Variants in SLX4IP observed in about 807,000 individuals in gnomAD.
SLX4IP encodes the protein SLX4 interacting protein, also known as protein SLX4IP.
In SLX4IP, 34 loss-of-function variants were observed where a neutral mutation model predicts 32.9. The observed-to-expected ratio is 1.03, with a 90% CI of 0.79 to 1.38. SLX4IP has a LOEUF of 1.38. SLX4IP is among the 40% of genes most tolerant of loss of function. The pLI is 0.00. For missense variants in SLX4IP, 444 were observed against 479.0 expected, an observed-to-expected ratio of 0.93 and a Z score of 0.68; for synonymous variants, 172 against 171.7, an observed-to-expected ratio of 1.00 and a Z score of -0.01.
intron 2 of SLX4IP, among the ~76,000 whole-genome samples, chr20:10,497,600 A>G (rs1035669840): frequency 1.3e-5 from 2 of 152,042 alleles, no homozygotes; most frequent in African/African-American, 4.8e-5. Context: ...TCGGTTTCCT[A>G]TCAGCATTAT....
At chr20:10,537,550 A>G (rs1434846768) in intron 2 of SLX4IP, among the ~76,000 whole-genome samples, 1 of 152,228 alleles carries the variant, frequency 6.6e-6, no homozygotes, top group African/African-American at 2.4e-5. Flanking sequence ...GCTAGCTACC[A>G]TACTCGTTTG....
intron 2 of SLX4IP, among the ~76,000 whole-genome samples, chr20:10,534,948 G>A (rs1332303981): frequency 1.3e-5 from 2 of 152,198 alleles, no homozygotes; most frequent in Non-Finnish European, 2.9e-5. Context: ...TGGGTGTACC[G>A]GGATATGGTC....
At chr20:10,461,687 C>T (rs893989502) in intron 2 of SLX4IP, among the ~76,000 whole-genome samples, 2 of 152,232 alleles carry the variant, frequency 1.3e-5, no homozygotes, top group Non-Finnish European at 2.9e-5. Flanking sequence ...GCTTTCTTCC[C>T]AGGGAACACT....
chr20:10,555,863 T>A (rs2066261314), intron 2 of SLX4IP, among the ~76,000 whole-genome samples: 1 of 151,914 alleles, frequency 6.6e-6, no homozygotes, highest in Non-Finnish European at 1.5e-5. Flanking sequence ...TGGCTGTGCA[T>A]GGAATCATTC....
At chr20:10,587,265 C>T (rs2066656817) in intron 4 of SLX4IP, among the ~76,000 whole-genome samples, 2 of 151,996 alleles carry the variant, frequency 1.3e-5, no homozygotes, top group Non-Finnish European at 2.9e-5. Flanking sequence ...AAGAGCAATG[C>T]ATGTAACAAT....
Position 10,561,545 on chromosome 20 carries a change from C to CTTTTTTTTT in SLX4IP, c.238+730_238+738dup, listed in dbSNP as rs749781715. ...GTCTATATATCTATTTTTCTTTTTT[C>CTTTTTTTTT]TTTTTTTTTTTTTGGTTATAGTAGT... is the stretch of plus-strand genomic sequence containing the variant. On this transcript the variant is annotated intron_variant, in intron 4 of 7. Transcript: ENST00000334534. Among the ~76,000 whole-genome samples the CTTTTTTTTT allele has an allele frequency of 7.1e-3, 987 of 138,962 alleles. 11 individuals are homozygous for CTTTTTTTTT. Among genetic ancestry groups the CTTTTTTTTT allele is most frequent in the African/African-American group, 0.025 (934 of 37,400 alleles). 91.2% of individuals were successfully genotyped at this position (138,962 alleles called of 152,430 possible).
chr20:10,483,742 A>G (rs2065546618), intron 2 of SLX4IP, among the ~76,000 whole-genome samples: 1 of 151,702 alleles, frequency 6.6e-6, no homozygotes, highest in Admixed American at 6.6e-5. Flanking sequence ...ACCCCAAAGT[A>G]TGGCACATGT....
Position 10,584,307 on chromosome 20 carries a change from A to G in SLX4IP, c.239-14368A>G, listed in dbSNP as rs563655917. Reference sequence around the variant, plus strand: ...CAGTAGTTTAGGCCTTGAGTGGCTTAGAAATTAGCTGTCTCCCCTTGCCTC... The same window carrying G: ...CAGTAGTTTAGGCCTTGAGTGGCTTGGAAATTAGCTGTCTCCCCTTGCCTC... On this transcript the variant is annotated intron_variant, in intron 4 of 7. Transcript: ENST00000334534. Among the ~76,000 whole-genome samples, 17 of 152,360 alleles carry G rather than the reference A, an allele frequency of 1.1e-4. No individual in the cohort carries two copies. In the South Asian group the frequency reaches 1.4e-3, roughly 13 times the overall value.
At chr20:10,506,343 G>C (rs566430231) in intron 2 of SLX4IP, among the ~76,000 whole-genome samples, 5 of 152,322 alleles carry the variant, frequency 3.3e-5, no homozygotes, top group African/African-American at 4.8e-5. Flanking sequence ...AGGAAAATGG[G>C]TGGCTGGATT....
chr20:10,601,269 T>C lies in SLX4IP; in HGVS notation c.317-462T>C, dbSNP rs532895721. On this transcript the variant is annotated intron_variant, in intron 5 of 7. Transcript: ENST00000334534. The stretch of plus-strand genomic sequence containing the variant: ...AGTTTGCCCTCCAGGGTCGGGGAGC[T>C]CTCTAAGACTAGCTAACCAAGGAGA... Among the ~76,000 whole-genome samples, 56 of 152,236 alleles carry C rather than the reference T, an allele frequency of 3.7e-4. 1 individual carries two copies. The highest frequency in any genetic ancestry group is 3.4e-3 in the Middle Eastern group (1 of 294).
In SLX4IP at chr20:10,569,029, T is replaced by G. The variant is rs558705701; in HGVS notation, c.238+8209T>G. Among the ~76,000 whole-genome samples the G allele has an allele frequency of 8.5e-5, 13 of 152,284 alleles. No homozygotes were observed. The South Asian group carries it at 2.7e-3, about 32-fold the overall frequency. On this transcript the variant is annotated intron_variant, in intron 4 of 7. Transcript: ENST00000334534. The stretch of plus-strand genomic sequence containing the variant: ...ATCTCTGTTGATCCCACGTGGAAGA[T>G]TTAAAGGATGCACTTGTAACGTTAT...
chr20:10,459,726 C>G (rs1325956109), intron 2 of SLX4IP, among the ~76,000 whole-genome samples: 1 of 152,028 alleles, frequency 6.6e-6, no homozygotes, highest in Non-Finnish European at 1.5e-5. Flanking sequence ...TATAAATGTC[C>G]CTTGTTTGTT....
At chr20:10,540,087 C>CTTCG (rs750924098) in intron 2 of SLX4IP, among the ~76,000 whole-genome samples, 1 of 81,734 alleles carries the variant, frequency 1.2e-5, no homozygotes, top group South Asian at 6.6e-4. Flanking sequence ...CTTTTCTCTC[C>CTTCG]TTCCTTCCTT....
chr20:10,515,079 C>CA (rs1555810763), intron 2 of SLX4IP, among the ~76,000 whole-genome samples: 6 of 82,890 alleles, frequency 7.2e-5, no homozygotes, highest in Admixed American at 1.8e-4. Context: ...TAAGTTGAAG[C>CA]TTTTTTTTTT....
intron 2 of SLX4IP, among the ~76,000 whole-genome samples, chr20:10,553,385 G>T (rs916043838): frequency 6.6e-6 from 1 of 152,152 alleles, no homozygotes; most frequent in African/African-American, 2.4e-5. Flanking sequence ...CTGTACTTCA[G>T]TGTAATTGGT....
rs147677019 is a variant in SLX4IP at position 10,505,951 on chromosome 20, T to A, written c.27+47720T>A. Among the ~76,000 whole-genome samples, 615 of 152,356 alleles carry A rather than the reference T, an allele frequency of 4.0e-3. 6 individuals are homozygous for A. The highest frequency in any genetic ancestry group is 0.014 in the African/African-American group (570 of 41,574). ...TATTGCATGCTGCTCCATTTTGTAT[T>A]CATGGTTATGATATTGAAACTTCAG... On this transcript the variant is annotated intron_variant, in intron 2 of 7. Coordinates refer to ENST00000334534, the MANE Select transcript of SLX4IP (RefSeq NM_001009608.3).
chr20:10,511,838 T>C (rs1469707158), intron 2 of SLX4IP, among the ~76,000 whole-genome samples: 1 of 152,254 alleles, frequency 6.6e-6, no homozygotes, highest in Non-Finnish European at 1.5e-5. Flanking sequence ...TGAGTTCCTT[T>C]GACCATTCCA....
intron 2 of SLX4IP, among the ~76,000 whole-genome samples, chr20:10,488,023 G>T (rs1215896659): frequency 6.6e-6 from 1 of 152,166 alleles, no homozygotes; most frequent in Non-Finnish European, 1.5e-5. Context: ...TGGTAGCAGA[G>T]AAATCTTATG....
At chr20:10,494,535 A>G (rs531195237) in intron 2 of SLX4IP, among the ~76,000 whole-genome samples, 27 of 152,168 alleles carry the variant, frequency 1.8e-4, no homozygotes, top group African/African-American at 6.0e-4. Flanking sequence ...TCTTTTAATT[A>G]AATAAAACTC....
Sources: allele counts gnomAD v4.1 joint callset (sites outside exome capture counted in the v4.1 genomes callset), GRCh38; gene constraint gnomAD v4.1.1; transcripts MANE v1.5; gene names NCBI Gene and HGNC (gene_info 2026-07-23, HGNC 2026-07-21).